ARFGEF1: variants seen among roughly 807,000 people sequenced by gnomAD.
ARFGEF1 encodes the protein ARF guanine nucleotide exchange factor 1.
A neutral mutation model predicts 231.0 loss-of-function variants in ARFGEF1; 42 were observed. The observed-to-expected ratio is 0.18, with a 90% confidence interval of 0.14 to 0.24. The LOEUF is 0.24. ARFGEF1 is among the 10% of genes least tolerant of loss of function. The pLI, the probability that ARFGEF1 is intolerant of heterozygous loss-of-function variation, is 1.00. For missense variants in ARFGEF1, 1,345 were observed against 2,192.0 expected (o/e 0.61, Z 7.72); for synonymous variants, 710 against 732.3 (o/e 0.97, Z 0.49).
At chr8:67,222,647 C>T (rs938922781) in intron 29 of ARFGEF1, among the ~76,000 whole-genome samples, 3 of 152,120 alleles carry the variant, frequency 2.0e-5, no homozygotes, top group Admixed American at 6.5e-5. Flanking sequence ...GAAGGGGTTT[C>T]ACCACGTTGT....
chr8:67,296,985 C>T (rs576864114), intron 4 of ARFGEF1, among the ~76,000 whole-genome samples: 127 of 152,196 alleles, frequency 8.3e-4, no homozygotes, highest in African/African-American at 2.9e-3. Context: ...AGTTTCAGCA[C>T]AAAAATTAAG....
intron 5 of ARFGEF1, among the ~76,000 whole-genome samples, chr8:67,188,362 CAG>C (rs1835262997): frequency 6.6e-6 from 1 of 152,158 alleles, no homozygotes; most frequent in South Asian, 2.1e-4. Flanking sequence ...CCTTTAAACA[CAG>C]GGCTTGTAAC....
At chr8:67,240,430 G>A (rs889392970) in intron 19 of ARFGEF1, 140 bp from the exon 20 acceptor site, 2 of 770,946 alleles carry the variant, frequency 2.6e-6, no homozygotes, top group Non-Finnish European at 3.9e-6. Context: ...TAAACAAAGG[G>A]GGAAAACTAT....
rs1554621539 is a variant in ARFGEF1, at chr8:67,184,744, T to TAATAATA, written c.561-9173_561-9172insTATTATT. 2.3e-3 allele frequency among the ~76,000 whole-genome samples: 321 copies of TAATAATA among 142,506 alleles called. 3 individuals are homozygous for TAATAATA. The South Asian group carries it at 0.025, about 11-fold the overall frequency. 93.5% of individuals were successfully genotyped at this position (142,506 alleles called of 152,430 possible). On this transcript the variant is annotated intron_variant, in intron 5 of 5. Coordinates refer to the ARFGEF1 transcript ENST00000518789. ...GTCTAAAAAAATAATAATAAAAAAATATAATAATAATAATAATAATAATAA... is the reference window on the plus strand; with the variant it reads ...GTCTAAAAAAATAATAATAAAAAAATAATAATAATAATAATAATAATAATAATAATAA...
At chr8:67,219,721 A>G (rs368840614) in intron 29 of ARFGEF1, among the ~76,000 whole-genome samples, 161 bp from the exon 30 acceptor site, 1 of 152,238 alleles carries the variant, frequency 6.6e-6, no homozygotes, top group Non-Finnish European at 1.5e-5. Flanking sequence ...TGTAAGAACA[A>G]CAGGTTCCTT....
intron 4 of ARFGEF1, among the ~76,000 whole-genome samples, chr8:67,298,086 A>G (rs554950324): frequency 1.3e-4 from 19 of 150,374 alleles, no homozygotes; most frequent in Admixed American, 8.7e-4. Flanking sequence ...GATTACAGGC[A>G]TGAGCTACCA....
chr8:67,213,891 A>G (rs544571096), intron 33 of ARFGEF1, among the ~76,000 whole-genome samples: 1 of 152,336 alleles, frequency 6.6e-6, no homozygotes, highest in East Asian at 1.9e-4. Context: ...AGTTCCTTAA[A>G]TCTATCTATA....
intron 19 of ARFGEF1, among the ~76,000 whole-genome samples, chr8:67,243,730 A>G (rs1840003972): frequency 1.3e-5 from 2 of 152,184 alleles, no homozygotes; most frequent in Non-Finnish European, 2.9e-5. Context: ...AAGTATCAAG[A>G]CTATCCAGGA....
intron 29 of ARFGEF1, among the ~76,000 whole-genome samples, chr8:67,223,151 A>G (rs1839258648): frequency 6.6e-6 from 1 of 152,232 alleles, no homozygotes; most frequent in South Asian, 2.1e-4. Flanking sequence ...GGAAGAATTA[A>G]GTAAGAATGC....
At chr8:67,332,797 A>G (rs1808158899) in intron 1 of ARFGEF1, among the ~76,000 whole-genome samples, 1 of 152,136 alleles carries the variant, frequency 6.6e-6, no homozygotes, top group African/African-American at 2.4e-5. Flanking sequence ...GCAGAGTGCA[A>G]CACAACTCCC....
chr8:67,302,437 T>A lies in ARFGEF1; in HGVS notation c.154A>T (p.Ser52Cys). Residue 52 changes from serine to cysteine, a missense_variant and splice_region_variant, in exon 2 of 39, where the codon AGT becomes TGT. Physicochemically the swap from Ser to Cys is moderately radical, Grantham distance 112. Coordinates refer to ENST00000262215, the MANE Select transcript of ARFGEF1 (RefSeq NM_006421.5). The part of the protein sequence containing the change: ...EEIKAETEKQ[S>C]PPHGEAKAGS... ...CTAAAGAAAAGAAATCCCACAAACC[T>A]CTGTTTTTCAGTTTCCGCTTTTATT... The A allele has an allele frequency of 6.4e-7, 1 of 1,571,726 alleles. No individual in the cohort carries two copies. The highest frequency in any genetic ancestry group is 8.6e-7 in the Non-Finnish European group (1 of 1,163,412).
At chr8:67,245,420 G>A (rs923228332) in intron 19 of ARFGEF1, among the ~76,000 whole-genome samples, 10 of 150,142 alleles carry the variant, frequency 6.7e-5, no homozygotes, top group Admixed American at 2.7e-4. Context: ...AGTACAATAA[G>A]GTATAAACAA....
rs576071274 is a variant in ARFGEF1 at position 67,249,613 on chromosome 8, A to ATTTATT, written c.2850+1680_2850+1685dup. Among the ~76,000 whole-genome samples the ATTTATT allele has an allele frequency of 1.2e-4, 18 of 149,738 alleles. 1 individual carries two copies. The highest frequency in any genetic ancestry group is 6.0e-4 in the Admixed American group (9 of 14,940). ...GTGCAGAACTCTCAGAGAGGGTGAT[A>ATTTATT]TTTATTTTTATTTTTATTTTTATTT... On this transcript the variant is annotated intron_variant, in intron 19 of 38. Coordinates refer to ENST00000262215, the MANE Select transcript of ARFGEF1 (RefSeq NM_006421.5).
At chr8:67,226,888 A>C (rs1839393591) in intron 27 of ARFGEF1, among the ~76,000 whole-genome samples, 1 of 152,134 alleles carries the variant, frequency 6.6e-6, no homozygotes, top group Non-Finnish European at 1.5e-5. Context: ...AAAGGGATGG[A>C]CAATAATGTT....
intron 17 of ARFGEF1, among the ~76,000 whole-genome samples, chr8:67,256,150 A>C (rs2128888087): frequency 6.6e-6 from 1 of 152,286 alleles, no homozygotes; most frequent in Non-Finnish European, 1.5e-5. Flanking sequence ...AAAATATCTA[A>C]ACAAATCCCA....
chr8:67,240,676 T>G (rs571237320), intron 19 of ARFGEF1, among the ~76,000 whole-genome samples: 1 of 152,330 alleles, frequency 6.6e-6, no homozygotes, highest in South Asian at 2.1e-4. Flanking sequence ...ATCATTTTCC[T>G]ACTTGCAACA....
At position 67,229,472 on chromosome 8, in the gene ARFGEF1, G is replaced by A. The variant is rs949166683; in HGVS notation, c.3381-1208C>T. 5.3e-5 allele frequency among the ~76,000 whole-genome samples: 8 copies of A among 152,174 alleles called. No homozygotes were observed. In the South Asian group the frequency reaches 8.3e-4, roughly 16 times the overall value. Reference sequence around the variant, plus strand: ...AATATAGGAAAAACAGTTTAGAAACGGGTAACATGATGACTCAGAATGTGA... The same window carrying A: ...AATATAGGAAAAACAGTTTAGAAACAGGTAACATGATGACTCAGAATGTGA... On this transcript the variant is annotated intron_variant, in intron 23 of 38. Coordinates refer to ENST00000262215, the MANE Select transcript of ARFGEF1 (RefSeq NM_006421.5).
At chr8:67,205,944 TAA>T (rs1489976618) in intron 34 of ARFGEF1, among the ~76,000 whole-genome samples, 1 of 149,916 alleles carries the variant, frequency 6.7e-6, no homozygotes, top group Non-Finnish European at 1.5e-5. Flanking sequence ...CATAAGAAAA[TAA>T]CAGAACAGAT....
At chr8:67,259,320 G>A (rs935768155) in intron 15 of ARFGEF1, among the ~76,000 whole-genome samples, 1 of 152,130 alleles carries the variant, frequency 6.6e-6, no homozygotes, top group Non-Finnish European at 1.5e-5. Flanking sequence ...TCCACCTCCT[G>A]GGTTCAAGTG....
Sources: allele counts gnomAD v4.1 joint callset (sites outside exome capture counted in the v4.1 genomes callset), GRCh38; gene constraint gnomAD v4.1.1; transcripts MANE v1.5; gene names NCBI Gene and HGNC (gene_info 2026-07-23, HGNC 2026-07-21).